Variants in GASK1A observed in about 807,000 individuals in gnomAD.
GASK1A encodes the protein golgi associated kinase 1A.
Under a neutral mutation model 41.2 loss-of-function variants are expected in GASK1A, and 40 were observed. That is an observed-to-expected ratio of 0.97 (90% confidence interval 0.75 to 1.27). The LOEUF (loss-of-function observed/expected upper bound fraction) is 1.27. GASK1A is among the 50% of genes most tolerant of loss of function. The pLI, the probability that GASK1A is intolerant of heterozygous loss-of-function variation, is 0.00. For synonymous variants in GASK1A, 316 were observed against 307.1 expected (o/e 1.03, Z -0.30); for missense variants, 678 against 745.1 (o/e 0.91, Z 1.05).
Position 43,049,502 on chromosome 3 carries a change from G to A in GASK1A, c.1291-4019G>A, listed in dbSNP as rs372380657. On this transcript the variant is annotated intron_variant, in intron 2 of 4. Transcript: ENST00000430121. Reference sequence around the variant, plus strand: ...AAGCAGTAAAGAGGGTACTCCTCAGGAAGTCTTGCTAATTGGCTTATCGCA... The same window carrying A: ...AAGCAGTAAAGAGGGTACTCCTCAGAAAGTCTTGCTAATTGGCTTATCGCA... 6.9e-4 allele frequency among the ~76,000 whole-genome samples: 105 copies of A among 152,332 alleles called. 2 individuals carry two copies. In the South Asian group the frequency reaches 0.02, roughly 29 times the overall value.
intron 1 of GASK1A, among the ~76,000 whole-genome samples, chr3:42,981,332 G>A (rs1449704910): frequency 1.3e-5 from 2 of 152,150 alleles, no homozygotes; most frequent in Non-Finnish European, 2.9e-5. Flanking sequence ...GAGACCACAG[G>A]GCAGCCTGGC....
intron 2 of GASK1A, among the ~76,000 whole-genome samples, chr3:43,049,114 T>C (rs942957633): frequency 1.2e-4 from 18 of 152,110 alleles, no homozygotes; most frequent in Non-Finnish European, 2.9e-5. Flanking sequence ...GCAGGGTACT[T>C]GGATTGTTGA....
chr3:43,023,191 A>C (rs2089530315), intron 1 of GASK1A, among the ~76,000 whole-genome samples: 1 of 152,216 alleles, frequency 6.6e-6, no homozygotes, highest in Non-Finnish European at 1.5e-5. Context: ...GAGATTTGAC[A>C]CAAACAAAAG....
At chr3:42,997,162 C>G (rs1040387322) in intron 1 of GASK1A, among the ~76,000 whole-genome samples, 2 of 152,198 alleles carry the variant, frequency 1.3e-5, no homozygotes, top group African/African-American at 2.4e-5. Context: ...ATTTTTTCTT[C>G]CTGCCCACCC....
chr3:43,050,110 A>G (rs1441416450), intron 2 of GASK1A, among the ~76,000 whole-genome samples: 4 of 152,070 alleles, frequency 2.6e-5, no homozygotes, highest in Admixed American at 2.6e-4. Context: ...GTTACCTTGA[A>G]CAGAGCTTTT....
Position 42,979,559 on chromosome 3 carries a change from C to A in GASK1A, c.-84C>A. 7 of 1,229,678 alleles carry A rather than the reference C, an allele frequency of 5.7e-6. No homozygotes were observed. Among genetic ancestry groups the A allele is most frequent in the Non-Finnish European group, 7.1e-6 (7 of 981,474 alleles). 76.2% of individuals were successfully genotyped at this position (1,229,678 alleles called of 1,614,324 possible). A position where few individuals can be genotyped will look rare whatever the true frequency, so the allele number is the denominator to read the frequency against. The stretch of plus-strand genomic sequence containing the variant: ...TCCTGGGAAGCCTGGCGAGCCACGG[C>A]GCCGGGGGCGGCCAAGGGGAGGCGG... On this transcript the variant is annotated 5_prime_UTR_variant, in exon 1 of 5. Coordinates refer to ENST00000430121, the MANE Select transcript of GASK1A (RefSeq NM_001129908.3).
At chr3:43,042,945 G>A (rs1161245908) in intron 2 of GASK1A, among the ~76,000 whole-genome samples, 1 of 152,212 alleles carries the variant, frequency 6.6e-6, no homozygotes, top group African/African-American at 2.4e-5. Context: ...AGTCCTTAGA[G>A]GAGAGTGAGA....
chr3:43,052,373 T>C (rs975640967), intron 2 of GASK1A, among the ~76,000 whole-genome samples: 13 of 152,142 alleles, frequency 8.5e-5, no homozygotes, highest in African/African-American at 2.9e-4. Flanking sequence ...CTTCACCTTC[T>C]CTATTCCTCT....
rs966414937 is a variant in GASK1A at position 43,055,439 on chromosome 3, G to A, written c.1421G>A (p.Ser474Asn). 1.9e-6 allele frequency: 3 copies of A among 1,551,244 alleles called. No individual in the cohort carries two copies. Among genetic ancestry groups the A allele is most frequent in the Non-Finnish European group, 2.6e-6 (3 of 1,146,668 alleles). ...ELRLVHILVR[S>N]SDPSHLVYID... The stretch of plus-strand genomic sequence containing the variant: ...TCCACCCTCTTCCCTGAGGTCCGGA[G>A]CAGCGATCCATCTCACCTGGTCTAC... The change falls in exon 4 of 5, where the codon AGC (serine) becomes AAC (asparagine). Residue 474 changes from serine (S) to asparagine (N), a missense_variant. By Grantham distance (46) the Ser-to-Asn change is conservative. Transcript: ENST00000430121.
chr3:43,056,464 T>G lies in GASK1A; in HGVS notation c.*78T>G, dbSNP rs969686408. The G allele has an allele frequency of 2.0e-5, 27 of 1,319,292 alleles. No individual in the cohort carries two copies. Among genetic ancestry groups the G allele is most frequent in the Non-Finnish European group, 2.5e-5 (25 of 980,774 alleles). The allele number at this position is 1,319,292 out of a possible 1,614,324, so 81.7% of individuals were successfully genotyped here. A position where few individuals can be genotyped will look rare whatever the true frequency, so the allele number is the denominator to read the frequency against. On this transcript the variant is annotated 3_prime_UTR_variant, in exon 5 of 5. Coordinates refer to ENST00000430121, the MANE Select transcript of GASK1A (RefSeq NM_001129908.3). ...TGGGCTCACTCATCTTGAGGACAAA[T>G]GGGAAAAGCCAGAAGCCAGAGGGGC... is the stretch of plus-strand genomic sequence containing the variant.
At chr3:43,022,923 T>C (rs957135768) in intron 1 of GASK1A, among the ~76,000 whole-genome samples, 2 of 152,222 alleles carry the variant, frequency 1.3e-5, no homozygotes, top group African/African-American at 4.8e-5. Flanking sequence ...CACCTCTGTA[T>C]GGATAAATAC....
At position 43,037,107 on chromosome 3, in the gene GASK1A, A is replaced by G. The variant is rs140401993; in HGVS notation, c.1290+3554A>G. ...CTGACCCTGCGATTGCACAACACTA[A>G]AAGTCAGTACCTCAAACCAGGCAGC... On this transcript the variant is annotated intron_variant, in intron 2 of 4. Transcript: ENST00000430121. 606 of 745,566 alleles carry G rather than the reference A, an allele frequency of 8.1e-4. 5 individuals carry two copies. In the African/African-American group the frequency reaches 9.4e-3, roughly 12 times the overall value. The allele number at this position is 745,566 out of a possible 1,614,324, so 46.2% of individuals were successfully genotyped here.
chr3:42,994,158 G>C (rs1281732730), intron 1 of GASK1A, among the ~76,000 whole-genome samples: 1 of 152,058 alleles, frequency 6.6e-6, no homozygotes, highest in Non-Finnish European at 1.5e-5. Flanking sequence ...GAAATTTTTT[G>C]CTAAAAATAA....
chr3:43,010,641 T>G (rs1252783814), intron 1 of GASK1A, among the ~76,000 whole-genome samples: 1 of 152,230 alleles, frequency 6.6e-6, no homozygotes, highest in Non-Finnish European at 1.5e-5. Flanking sequence ...CTTTAAAAGC[T>G]AATATTTTCT....
rs531470753 is a variant in GASK1A at position 42,987,680 on chromosome 3, A to C, written c.3+8035A>C. Among the ~76,000 whole-genome samples, 3 of 152,288 alleles carry C rather than the reference A, an allele frequency of 2.0e-5. 1 individual carries two copies. In the South Asian group the frequency reaches 6.2e-4, roughly 32 times the overall value. ...TTAATCCTTTGAATTGATTTTGTAC[A>C]TATTGCCTTGATAATCACAAGAGTA... On this transcript the variant is annotated intron_variant, in intron 1 of 4. Transcript: ENST00000430121.
At chr3:43,011,773 G>A (rs1271421848) in intron 1 of GASK1A, among the ~76,000 whole-genome samples, 1 of 152,008 alleles carries the variant, frequency 6.6e-6, no homozygotes, top group Non-Finnish European at 1.5e-5. Flanking sequence ...AAGGGGCTGT[G>A]TGAAGTCACA....
At chr3:43,018,292 A>G (rs2089504763) in intron 1 of GASK1A, among the ~76,000 whole-genome samples, 1 of 152,226 alleles carries the variant, frequency 6.6e-6, no homozygotes, top group South Asian at 2.1e-4. Context: ...TTATCATATT[A>G]GCACATATGT....
At position 43,033,289 on chromosome 3, in the gene GASK1A, G is replaced by T; in HGVS notation, c.1026G>T (p.Arg342=). 1 of 1,551,526 alleles carries T rather than the reference G, an allele frequency of 6.4e-7. No individual in the cohort carries two copies. Among genetic ancestry groups the T allele is most frequent in the Non-Finnish European group, 8.7e-7 (1 of 1,146,968 alleles). The part of the protein sequence containing the change: ...FHVDRVLGLR[R]SLPAVARRFH... ...TAGATCGTGTGCTGGGGCTGCGCCG[G>T]AGCCTACCTGCTGTGGCCCGCCGCT... is the stretch of plus-strand genomic sequence containing the variant. Residue 342 remains arginine (R), a synonymous_variant, in exon 2 of 5, where the codon CGG becomes CGT. Coordinates refer to ENST00000430121, the MANE Select transcript of GASK1A (RefSeq NM_001129908.3).
intron 1 of GASK1A, among the ~76,000 whole-genome samples, chr3:42,982,616 C>T (rs1394151713): frequency 3.3e-5 from 5 of 152,230 alleles, no homozygotes; most frequent in Non-Finnish European, 7.3e-5. Context: ...ATTTAGGTCA[C>T]TTCAGGATTG....
Sources: allele counts gnomAD v4.1 joint callset (sites outside exome capture counted in the v4.1 genomes callset), GRCh38; gene constraint gnomAD v4.1.1; transcripts MANE v1.5; gene names NCBI Gene and HGNC (gene_info 2026-07-23, HGNC 2026-07-21).